Variants in XG observed in about 807,000 individuals in gnomAD.
XG encodes Xg glycoprotein (Xg blood group), also known as glycoprotein Xg.
In XG, 24 loss-of-function variants were observed where a neutral mutation model predicts 25.7. That is an observed-to-expected ratio of 0.93 (90% CI 0.68 to 1.31). The LOEUF (loss-of-function observed/expected upper bound fraction) is 1.31. Ranked by LOEUF, XG falls within the 40% of genes most tolerant of loss-of-function variation. The probability of loss-of-function intolerance (pLI) is 0.00; values close to 1 mark genes in which losing one functional copy is unlikely to be tolerated. For synonymous variants in XG, 77 were observed against 69.2 expected (o/e 1.11, Z -0.56); for missense variants, 181 against 187.6 (o/e 0.96, Z 0.21).
At chrX:2,810,102 G>A (rs1266164200) in intron 9 of XG, among the ~76,000 whole-genome samples, 1 of 111,552 alleles carries the variant, frequency 9.0e-6, no homozygotes, top group Non-Finnish European at 1.9e-5. Context: ...CCGTAGAGCA[G>A]GTTCTTGCGT....
intron 1 of XG, among the ~76,000 whole-genome samples, chrX:2,768,531 G>A (rs891546073): frequency 7.9e-5 from 12 of 152,206 alleles, no homozygotes; most frequent in African/African-American, 2.9e-4. Context: ...ACTTTGGGAG[G>A]CCAAGGCAGG....
At chrX:2,777,672 GTAAAA>G (rs1301282669) in intron 3 of XG, among the ~76,000 whole-genome samples, 1 of 152,122 alleles carries the variant, frequency 6.6e-6, no homozygotes, top group Non-Finnish European at 1.5e-5. Context: ...AAGAAGAAAA[GTAAAA>G]TAAAATAGTA....
chrX:2,782,478 A>G (rs938181189), intron 4 of XG, among the ~76,000 whole-genome samples: 5 of 111,708 alleles, frequency 4.5e-5, no homozygotes, highest in Admixed American at 9.5e-5. Context: ...GAGTTTTATT[A>G]TTAATCATTC....
chrX:2,759,317 A>G (rs66607823), intron 1 of XG, among the ~76,000 whole-genome samples: 26,436 of 152,162 alleles, frequency 0.17, 3,603 homozygotes, highest in African/African-American at 0.38. Flanking sequence ...GCTGTTAGTT[A>G]TAACTTCTAA....
intron 5 of XG, among the ~76,000 whole-genome samples, chrX:2,790,616 C>T (rs1273434505): frequency 9.0e-6 from 1 of 110,967 alleles, no homozygotes; most frequent in Admixed American, 9.6e-5. Context: ...CAGCGGCCAA[C>T]ATGGTGAACC....
chrX:2,769,039 C>A (rs2050758982), intron 1 of XG, among the ~76,000 whole-genome samples: 1 of 152,186 alleles, frequency 6.6e-6, no homozygotes, highest in Non-Finnish European at 1.5e-5. Flanking sequence ...CCCCTTCCCT[C>A]CAAGGTTTGT....
intron 7 of XG, among the ~76,000 whole-genome samples, chrX:2,804,906 C>G (rs1419788145): frequency 8.9e-6 from 1 of 112,166 alleles, no homozygotes; most frequent in Non-Finnish European, 1.9e-5. Context: ...AGCAGCTGGG[C>G]CAAGAACATC....
rs762120499 is a variant in XG, at chrX:2,770,598, G to C, written c.103+7G>C. ...GATGCCCTTGATGACCCTGGTAAGTGCCGATATTTCAAGGGGAGCCTTCCC... is the reference window on the plus strand; with the variant it reads ...GATGCCCTTGATGACCCTGGTAAGTCCCGATATTTCAAGGGGAGCCTTCCC... On this transcript the variant is annotated splice_region_variant and intron_variant, in intron 2 of 10. Coordinates refer to ENST00000644266, the MANE Select transcript of XG (RefSeq NM_001141919.2). 6.2e-7 allele frequency: 1 copy of C among 1,613,898 alleles called. No homozygotes were observed. Among genetic ancestry groups the C allele is most frequent in the Non-Finnish European group, 8.5e-7 (1 of 1,179,864 alleles).
At chrX:2,806,824 G>A in intron 8 of XG, 79 bp downstream of exon 8, 2 of 841,377 alleles carry the variant, frequency 2.4e-6, no homozygotes, top group Non-Finnish European at 3.2e-6. Flanking sequence ...CTGCACTGAT[G>A]GGAAGCTGAT....
chrX:2,810,933 A>G (rs1603458025), intron 9 of XG, among the ~76,000 whole-genome samples: 1 of 16,229 alleles, frequency 6.2e-5, no homozygotes, highest in African/African-American at 2.1e-4. Context: ...AATAAGAAAT[A>G]AATAAATAAA....
chrX:2,752,521 G>A (rs1385366620), intron 1 of XG, among the ~76,000 whole-genome samples, 186 bp downstream of exon 1: 5 of 152,092 alleles, frequency 3.3e-5, no homozygotes, highest in Non-Finnish European at 1.5e-5. Context: ...GCTCCCATTT[G>A]GAATCTGGGA....
At chrX:2,761,797 A>C (rs188807520) in intron 1 of XG, among the ~76,000 whole-genome samples, 45 of 152,242 alleles carry the variant, frequency 3.0e-4, no homozygotes, top group African/African-American at 1.0e-3. Flanking sequence ...CAAGCCCAGG[A>C]GAGAGGACTC....
At chrX:2,782,272 G>T in intron 4 of XG, 144 bp downstream of exon 4, 1 of 676,351 alleles carries the variant, frequency 1.5e-6, no homozygotes, top group Non-Finnish European at 2.3e-6. Flanking sequence ...TTCCTCACTG[G>T]GGGGAGCAAG....
chrX:2,770,521 G>T (rs757868294), intron 1 of XG, 29 bp from the exon 2 acceptor site: 2 of 1,613,828 alleles, frequency 1.2e-6, no homozygotes, highest in Admixed American at 1.7e-5. Context: ...CCATCATGGG[G>T]TGACTTATGC....
chrX:2,775,333 G>C (rs2050953825), intron 3 of XG, among the ~76,000 whole-genome samples: 1 of 152,176 alleles, frequency 6.6e-6, no homozygotes, highest in African/African-American at 2.4e-5. Context: ...CTACAAAGTG[G>C]TTGAGCCTCA....
chrX:2,797,433 A>G, intron 7 of XG, 73 bp downstream of exon 7: 2 of 1,117,154 alleles, frequency 1.8e-6, no homozygotes, highest in South Asian at 1.9e-5. Flanking sequence ...TCCCGCTTGC[A>G]CTCTGCCCTG....
At chrX:2,782,276 G>C in intron 4 of XG, 148 bp downstream of exon 4, 1 of 641,087 alleles carries the variant, frequency 1.6e-6, no homozygotes, top group Non-Finnish European at 2.4e-6. Flanking sequence ...TCACTGGGGG[G>C]AGCAAGAAAG....
At chrX:2,799,341 T>C (rs1477453332) in intron 7 of XG, among the ~76,000 whole-genome samples, 3 of 111,430 alleles carry the variant, frequency 2.7e-5, no homozygotes, top group African/African-American at 6.5e-5. Flanking sequence ...AAAGATTTAT[T>C]TGCCAAAGTT....
intron 5 of XG, among the ~76,000 whole-genome samples, chrX:2,790,617 A>G (rs2086828396): frequency 9.0e-6 from 1 of 111,645 alleles, no homozygotes; most frequent in African/African-American, 3.3e-5. Context: ...AGCGGCCAAC[A>G]TGGTGAACCC....
Sources: allele counts gnomAD v4.1 joint callset (sites outside exome capture counted in the v4.1 genomes callset), GRCh38; gene constraint gnomAD v4.1.1; transcripts MANE v1.5; gene names NCBI Gene and HGNC (gene_info 2026-07-23, HGNC 2026-07-21).